Variants in WWOX observed in about 807,000 individuals in gnomAD.
WWOX encodes WW domain containing oxidoreductase.
A neutral mutation model predicts 46.2 loss-of-function variants in WWOX; 69 were observed. That is an observed-to-expected ratio of 1.49 (90% CI 1.23 to 1.82). The LOEUF (loss-of-function observed/expected upper bound fraction) is 1.82. Among genes scored for constraint, WWOX ranks in the 40% most tolerant of loss-of-function variants. The pLI, the probability that WWOX is intolerant of heterozygous loss-of-function variation, is 0.00. For synonymous variants in WWOX, 359 were observed against 202.6 expected (o/e 1.77, Z -6.56); for missense variants, 919 against 542.6 (o/e 1.69, Z -6.89).
intron 8 of WWOX, among the ~76,000 whole-genome samples, chr16:78,568,893 G>A (rs1354186663): frequency 6.6e-6 from 1 of 152,200 alleles, no homozygotes; most frequent in African/African-American, 2.4e-5. Context: ...ATCAGTAGAT[G>A]CATCTAATAA....
intron 8 of WWOX, among the ~76,000 whole-genome samples, chr16:79,058,130 A>C (rs2048298101): frequency 4.2e-5 from 1 of 23,694 alleles, no homozygotes. Context: ...ACAAACAAAC[A>C]AAAAAAAAAA....
intron 1 of WWOX, among the ~76,000 whole-genome samples, chr16:78,103,242 G>GTTTTTTT (rs74264852): frequency 7.0e-6 from 1 of 142,604 alleles, no homozygotes; most frequent in African/African-American, 2.7e-5. Context: ...TGGCTCCGCT[G>GTTTTTTT]TTTTTTTTTT....
intron 4 of WWOX, among the ~76,000 whole-genome samples, chr16:78,119,664 G>A (rs562140230): frequency 6.6e-6 from 1 of 150,434 alleles, no homozygotes; most frequent in African/African-American, 2.4e-5. Context: ...GGGTCTCACT[G>A]TGTTGCTCAG....
intron 8 of WWOX, among the ~76,000 whole-genome samples, chr16:78,827,676 T>TAC (rs554801099): frequency 0.077 from 10,520 of 136,442 alleles, 347 homozygotes; most frequent in South Asian, 0.16. Flanking sequence ...CTACTAAAAA[T>TAC]AAAAAAAAAA....
chr16:78,723,595 T>A (rs1184376784), intron 8 of WWOX, among the ~76,000 whole-genome samples: 2 of 26,850 alleles, frequency 7.4e-5, no homozygotes, highest in East Asian at 1.4e-3. Context: ...TTCTTTTCTT[T>A]TCTTTTCTTT....
At chr16:78,721,673 T>C (rs1046290433) in intron 8 of WWOX, among the ~76,000 whole-genome samples, 3 of 152,226 alleles carry the variant, frequency 2.0e-5, no homozygotes, top group Non-Finnish European at 4.4e-5. Context: ...AAGAAATAAA[T>C]TGACCTGCCT....
intron 8 of WWOX, among the ~76,000 whole-genome samples, chr16:78,518,692 T>A (rs148853582): frequency 6.6e-6 from 1 of 152,322 alleles, no homozygotes; most frequent in East Asian, 1.9e-4. Flanking sequence ...GCAGCCACCA[T>A]GCAAGGTCCT....
At chr16:78,874,501 C>T (rs76438910) in intron 8 of WWOX, among the ~76,000 whole-genome samples, 2 of 151,914 alleles carry the variant, frequency 1.3e-5, no homozygotes, top group East Asian at 3.9e-4. Flanking sequence ...TGATGTGGTG[C>T]CTGGCCAGGG....
intron 8 of WWOX, chr16:79,203,985 G>C (rs538456825): frequency 6.6e-6 from 1 of 152,034 alleles, no homozygotes; most frequent in African/African-American, 2.4e-5. Flanking sequence ...CCTTTAGCAC[G>C]GGCATCAAGG....
intron 8 of WWOX, among the ~76,000 whole-genome samples, chr16:78,511,023 A>G (rs1435016388): frequency 2.0e-5 from 3 of 152,246 alleles, no homozygotes; most frequent in African/African-American, 7.2e-5. Flanking sequence ...GCCACCTGGC[A>G]TAGTGGGCTG....
chr16:78,659,604 C>T (rs914090218), intron 8 of WWOX, among the ~76,000 whole-genome samples: 1 of 152,158 alleles, frequency 6.6e-6, no homozygotes. Flanking sequence ...AGTGCACTTG[C>T]TTTGCAAAGC....
intron 8 of WWOX, among the ~76,000 whole-genome samples, chr16:78,730,199 A>G (rs1301274503): frequency 6.6e-6 from 1 of 152,154 alleles, no homozygotes; most frequent in Non-Finnish European, 1.5e-5. Context: ...CTGGTTACAT[A>G]TGGTCAAGTT....
At chr16:78,145,576 A>T (rs1293803326) in intron 4 of WWOX, among the ~76,000 whole-genome samples, 1 of 152,106 alleles carries the variant, frequency 6.6e-6, no homozygotes, top group East Asian at 1.9e-4. Context: ...ACCCAAATTG[A>T]GGGTGGGTCT....
At chr16:78,259,762 C>G (rs1014049168) in intron 5 of WWOX, among the ~76,000 whole-genome samples, 8 of 150,880 alleles carry the variant, frequency 5.3e-5, no homozygotes, top group African/African-American at 1.5e-4. Flanking sequence ...AGATCTCTAT[C>G]AAAAGTTTTA....
At chr16:78,925,745 A>G (rs965530774) in intron 8 of WWOX, among the ~76,000 whole-genome samples, 28 of 152,134 alleles carry the variant, frequency 1.8e-4, no homozygotes, top group Admixed American at 9.2e-4. Context: ...GTTTCTCTCT[A>G]AGGGTGAAGA....
At chr16:78,164,148 A>G in intron 4 of WWOX, 35 bp from the exon 5 acceptor site, 1 of 1,589,640 alleles carries the variant, frequency 6.3e-7, no homozygotes, top group Non-Finnish European at 8.6e-7. Context: ...TGTTGATGTT[A>G]TGTTTTCTAA....
At chr16:78,101,364 A>T (rs1484477211) in intron 1 of WWOX, among the ~76,000 whole-genome samples, 5 of 7,994 alleles carry the variant, frequency 6.3e-4, no homozygotes, top group Admixed American at 2.0e-3. Context: ...TTTTTTTTTT[A>T]AAGACAGGGT....
intron 8 of WWOX, among the ~76,000 whole-genome samples, chr16:78,745,771 C>T (rs1216668074): frequency 6.6e-6 from 1 of 151,398 alleles, no homozygotes; most frequent in East Asian, 1.9e-4. Flanking sequence ...CTTTTTCCCC[C>T]CCCTTCAAAT....
At chr16:78,403,892 C>T (rs895203755) in intron 6 of WWOX, among the ~76,000 whole-genome samples, 6 of 152,208 alleles carry the variant, frequency 3.9e-5, no homozygotes, top group African/African-American at 1.4e-4. Flanking sequence ...CTTACTTGCA[C>T]TGCAGGTCAG....
Sources: gnomAD v4.1 joint callset for allele counts (sites outside exome capture counted in the v4.1 genomes callset) on GRCh38, gnomAD v4.1.1 for gene constraint, MANE v1.5 for transcripts, NCBI Gene and HGNC (gene_info 2026-07-23, HGNC 2026-07-21) for gene names.